CABYR: variants seen among roughly 807,000 people sequenced by gnomAD.
CABYR encodes the protein calcium binding tyrosine phosphorylation regulated.
Under a neutral mutation model 36.1 loss-of-function variants are expected in CABYR, and 31 were observed. The observed-to-expected ratio is 0.86, with a 90% confidence interval of 0.64 to 1.16. The LOEUF is 1.16. Among genes scored for constraint, CABYR ranks in the 50% most tolerant of loss-of-function variants. The pLI is 0.00. For synonymous variants in CABYR, 146 were observed against 160.7 expected (o/e 0.91, Z 0.69); for missense variants, 429 against 455.8 (o/e 0.94, Z 0.53).
At chr18:24,147,323 G>A (rs1439531003) in intron 3 of CABYR, among the ~76,000 whole-genome samples, 1 of 151,356 alleles carries the variant, frequency 6.6e-6, no homozygotes, top group East Asian at 1.9e-4. Flanking sequence ...CTAGGAATGG[G>A]TACACACACA....
At chr18:24,156,491 T>G in intron 4 of CABYR, 1 of 1,613,566 alleles carries the variant, frequency 6.2e-7, no homozygotes. Flanking sequence ...TTAAAGAAAA[T>G]GAGCAGTCAA....
chr18:24,150,783 G>GTT (rs10715707), intron 3 of CABYR, among the ~76,000 whole-genome samples: 4 of 113,566 alleles, frequency 3.5e-5, no homozygotes, highest in Non-Finnish European at 7.5e-5. Context: ...TTTGTTTTTT[G>GTT]TTTTTTTTTT....
intron 4 of CABYR, among the ~76,000 whole-genome samples, chr18:24,158,324 T>A (rs1422576138): frequency 7.0e-6 from 1 of 142,726 alleles, no homozygotes; most frequent in Non-Finnish European, 1.6e-5. Context: ...TTATTTCTTT[T>A]TTTTTTTTTT....
At chr18:24,155,167 C>A (rs1414491081) in intron 3 of CABYR, among the ~76,000 whole-genome samples, 1 of 152,116 alleles carries the variant, frequency 6.6e-6, no homozygotes, top group Non-Finnish European at 1.5e-5. Context: ...TTGGTCTCCC[C>A]CCCACCCAAC....
At chr18:24,153,166 G>C (rs1313740982) in intron 3 of CABYR, among the ~76,000 whole-genome samples, 1 of 152,008 alleles carries the variant, frequency 6.6e-6, no homozygotes, top group Non-Finnish European at 1.5e-5. Context: ...TCTTAGCCTT[G>C]GGCTGGTTAG....
At chr18:24,148,995 A>T (rs1256793124) in intron 3 of CABYR, among the ~76,000 whole-genome samples, 1 of 152,130 alleles carries the variant, frequency 6.6e-6, no homozygotes, top group Non-Finnish European at 1.5e-5. Flanking sequence ...CCCCACCCAC[A>T]TCCTGCTGAT....
chr18:24,141,435 C>A (rs1353041425), intron 1 of CABYR, among the ~76,000 whole-genome samples: 1 of 152,140 alleles, frequency 6.6e-6, no homozygotes, highest in Non-Finnish European at 1.5e-5. Flanking sequence ...AGAAATTTCT[C>A]CTGGGTTTCA....
intron 3 of CABYR, among the ~76,000 whole-genome samples, chr18:24,151,465 T>C (rs981133895): frequency 1.4e-4 from 22 of 152,206 alleles, no homozygotes; most frequent in African/African-American, 5.3e-4. Context: ...TTCTGTCTTA[T>C]ACAACCGACA....
chr18:24,156,708 C>T (rs994276639), intron 4 of CABYR: 2 of 1,614,198 alleles, frequency 1.2e-6, no homozygotes, highest in African/African-American at 1.3e-5. Context: ...TGCACAACTC[C>T]TGGATGCAGA....
chr18:24,160,192 T>C, intron 5 of CABYR, 123 bp downstream of exon 5: 1 of 725,826 alleles, frequency 1.4e-6, no homozygotes, highest in Non-Finnish European at 2.3e-6. Context: ...TGGGGTATAC[T>C]CTAACTTCCT....
At chr18:24,142,017 A>AAAATGCAC (rs2085334080) in intron 1 of CABYR, among the ~76,000 whole-genome samples, 1 of 152,202 alleles carries the variant, frequency 6.6e-6, no homozygotes, top group Admixed American at 6.5e-5. Flanking sequence ...TTAAAGCTAA[A>AAAATGCAC]AAATGCACAC....
At chr18:24,148,651 G>C (rs1230834915) in intron 3 of CABYR, 1 of 153,312 alleles carries the variant, frequency 6.5e-6, no homozygotes, top group Non-Finnish European at 1.4e-5. Flanking sequence ...CTGACGTTCG[G>C]ATGTGTTCGG....
At chr18:24,149,496 G>T (rs972744580) in intron 3 of CABYR, among the ~76,000 whole-genome samples, 3 of 152,248 alleles carry the variant, frequency 2.0e-5, no homozygotes, top group African/African-American at 7.2e-5. Flanking sequence ...TCACCCAGTG[G>T]ATCCTGCACT....
Position 24,156,446 on chromosome 18 carries a change from A to G in CABYR, c.541+404A>G, listed in dbSNP as rs1345115251. 4 of 1,614,084 alleles carry G rather than the reference A, an allele frequency of 2.5e-6. No homozygotes were observed. In the South Asian group the frequency reaches 4.4e-5, roughly 18 times the overall value. On this transcript the variant is annotated intron_variant, in intron 4 of 5. Transcript: ENST00000399496. ...TTTATATCGAGCAACTGCCAGAACA[A>G]ATAGTTATCCCTTTTACTGATCAAG...
At chr18:24,144,686 T>A (rs2085416707) in intron 3 of CABYR, among the ~76,000 whole-genome samples, 1 of 152,202 alleles carries the variant, frequency 6.6e-6, no homozygotes, top group African/African-American at 2.4e-5. Context: ...TAAAAGGACA[T>A]GTGGATCAGA....
chr18:24,144,876 A>T (rs565797057), intron 3 of CABYR, among the ~76,000 whole-genome samples: 1 of 152,380 alleles, frequency 6.6e-6, no homozygotes, highest in South Asian at 2.1e-4. Context: ...GCAAGATGAG[A>T]TCAGTTAGAG....
Position 24,139,081 on chromosome 18 carries a change from G to A in CABYR, c.-62G>A, listed in dbSNP as rs1165817509. On this transcript the variant is annotated 5_prime_UTR_variant, in exon 1 of 6. Transcript: ENST00000399496. The stretch of plus-strand genomic sequence containing the variant: ...CTCCTCAGGAGCCGCCGGCAAGGGG[G>A]CAACGAGGAAGCTCTTAAGAGCGCG... 2.6e-5 allele frequency: 4 copies of A among 152,260 alleles called. No homozygotes were observed. The highest frequency in any genetic ancestry group is 4.4e-5 in the Non-Finnish European group (3 of 68,050). 9.4% of individuals were successfully genotyped at this position (152,260 alleles called of 1,614,324 possible).
chr18:24,150,712 A>T (rs1377196015), intron 3 of CABYR: 1 of 283,838 alleles, frequency 3.5e-6, no homozygotes, highest in Non-Finnish European at 5.3e-6. Context: ...TACCATACAT[A>T]TTCCTGACTT....
chr18:24,157,010 C>G, intron 4 of CABYR: 1 of 1,577,494 alleles, frequency 6.3e-7, no homozygotes, highest in Admixed American at 1.7e-5. Context: ...GTAAGAAAAT[C>G]AGGTATTTCC....
Sources: allele counts gnomAD v4.1 joint callset (sites outside exome capture counted in the v4.1 genomes callset), GRCh38; gene constraint gnomAD v4.1.1; transcripts MANE v1.5; gene names NCBI Gene and HGNC (gene_info 2026-07-23, HGNC 2026-07-21).